Variants in TYR observed in about 807,000 individuals in gnomAD.
TYR encodes the protein LB24-AB.
TYR carries 58 observed loss-of-function variants against 51.5 expected under a neutral mutation model. The observed-to-expected ratio is 1.13, with a 90% CI of 0.91 to 1.40. The LOEUF is 1.40. Ranked by LOEUF, TYR falls within the 40% of genes most tolerant of loss-of-function variation. The probability of loss-of-function intolerance (pLI) is 0.00; values close to 1 mark genes in which losing one functional copy is unlikely to be tolerated. For missense variants in TYR, 732 were observed against 647.4 expected (o/e 1.13, Z -1.42); for synonymous variants, 263 against 235.2 (o/e 1.12, Z -1.08).
At chr11:89,240,075 A>G (rs1334144994) in intron 3 of TYR, among the ~76,000 whole-genome samples, 1 of 151,912 alleles carries the variant, frequency 6.6e-6, no homozygotes, top group Admixed American at 6.6e-5. Context: ...TGTAAGCCCT[A>G]TGTTTCTCTA....
Position 89,295,513 on chromosome 11 carries a change from A to G in TYR, c.*147A>G. On this transcript the variant is annotated 3_prime_UTR_variant, in exon 5 of 5. Transcript: ENST00000263321. ...CTAATACAAAGTGTAGCCTTCTTCC[A>G]ACTCAGGTAGAACACACCTGTCTTT... 1 of 1,033,182 alleles carries G rather than the reference A, an allele frequency of 9.7e-7. No homozygotes were observed. The highest frequency in any genetic ancestry group is 1.4e-6 in the Non-Finnish European group (1 of 694,812). 64.0% of individuals were successfully genotyped at this position (1,033,182 alleles called of 1,614,324 possible).
intron 1 of TYR, among the ~76,000 whole-genome samples, chr11:89,187,715 G>A (rs1026016252): frequency 6.6e-6 from 1 of 151,984 alleles, no homozygotes; most frequent in Admixed American, 6.6e-5. Flanking sequence ...TGATGAGATG[G>A]AAATATCAAA....
chr11:89,216,478 C>G (rs1943833677), intron 2 of TYR, among the ~76,000 whole-genome samples: 1 of 151,498 alleles, frequency 6.6e-6, no homozygotes, highest in African/African-American at 2.4e-5. Flanking sequence ...ATGGTGAAAC[C>G]CCATCTCTAC....
chr11:89,287,815 A>C (rs1490311265), intron 4 of TYR, among the ~76,000 whole-genome samples: 1 of 151,988 alleles, frequency 6.6e-6, no homozygotes, highest in Non-Finnish European at 1.5e-5. Flanking sequence ...TGAAAATGCT[A>C]TTATAAGAGT....
At chr11:89,252,186 G>T (rs75650290) in intron 3 of TYR, among the ~76,000 whole-genome samples, 10,570 of 151,668 alleles carry the variant, frequency 0.07, 547 homozygotes, top group African/African-American at 0.14. Flanking sequence ...TAGACTATGA[G>T]AATCTGAAAA....
intron 3 of TYR, among the ~76,000 whole-genome samples, chr11:89,278,090 C>A (rs1944677247): frequency 6.6e-6 from 1 of 151,656 alleles, no homozygotes; most frequent in Non-Finnish European, 1.5e-5. Flanking sequence ...ATTTTTAATT[C>A]CTTGAATTTG....
At chr11:89,262,431 A>G (rs1944468136) in intron 3 of TYR, among the ~76,000 whole-genome samples, 1 of 152,050 alleles carries the variant, frequency 6.6e-6, no homozygotes, top group African/African-American at 2.4e-5. Flanking sequence ...CACCAGCCTT[A>G]GAAACAAGAA....
chr11:89,199,870 A>G (rs1943573628), intron 2 of TYR, among the ~76,000 whole-genome samples: 1 of 152,212 alleles, frequency 6.6e-6, no homozygotes, highest in Non-Finnish European at 1.5e-5. Context: ...TAAAAGGGAT[A>G]ATGTCATTTT....
At chr11:89,248,506 G>T (rs568976859) in intron 3 of TYR, among the ~76,000 whole-genome samples, 1 of 151,952 alleles carries the variant, frequency 6.6e-6, no homozygotes, top group South Asian at 2.1e-4. Context: ...ACATTTAAAG[G>T]TCCCATGGCA....
At chr11:89,240,459 G>T (rs1332458766) in intron 3 of TYR, among the ~76,000 whole-genome samples, 1 of 151,876 alleles carries the variant, frequency 6.6e-6, no homozygotes. Flanking sequence ...TTTTATTATT[G>T]CATTGTATAG....
intron 1 of TYR, among the ~76,000 whole-genome samples, 176 bp from the exon 2 acceptor site, chr11:89,191,026 C>CA (rs1565391740): frequency 6.6e-6 from 1 of 152,110 alleles, no homozygotes; most frequent in Non-Finnish European, 1.5e-5. Flanking sequence ...CACGCAATGA[C>CA]AAAATCACCT....
chr11:89,277,346 C>T (rs995613160), intron 3 of TYR, among the ~76,000 whole-genome samples: 11 of 151,802 alleles, frequency 7.2e-5, no homozygotes, highest in African/African-American at 2.4e-4. Context: ...CTGGAGGCAT[C>T]GCAAGCTGCA....
intron 3 of TYR, among the ~76,000 whole-genome samples, chr11:89,238,148 T>C (rs1944143628): frequency 6.6e-6 from 1 of 152,158 alleles, no homozygotes; most frequent in African/African-American, 2.4e-5. Flanking sequence ...TCTTCCAATT[T>C]TTGAAGAAGA....
chr11:89,202,034 G>A (rs1285260534), intron 2 of TYR, among the ~76,000 whole-genome samples: 3 of 152,036 alleles, frequency 2.0e-5, no homozygotes, highest in African/African-American at 7.3e-5. Flanking sequence ...GTCTGGCAGT[G>A]GAAGTGGGGG....
At chr11:89,186,562 G>T (rs1943375501) in intron 1 of TYR, among the ~76,000 whole-genome samples, 1 of 152,082 alleles carries the variant, frequency 6.6e-6, no homozygotes, top group African/African-American at 2.4e-5. Context: ...CCCTGGTGGG[G>T]TCCTTGGTGC....
intron 2 of TYR, among the ~76,000 whole-genome samples, chr11:89,199,389 G>A (rs2135260079): frequency 6.6e-6 from 1 of 152,286 alleles, no homozygotes; most frequent in East Asian, 1.9e-4. Context: ...AAAGTAAAGT[G>A]AATTTATGTA....
chr11:89,204,599 T>C (rs1047941395), intron 2 of TYR, among the ~76,000 whole-genome samples: 4 of 152,050 alleles, frequency 2.6e-5, no homozygotes, highest in Non-Finnish European at 5.9e-5. Flanking sequence ...GATTTCACTA[T>C]GTTGGTCTGG....
chr11:89,245,303 C>T (rs758811201), intron 3 of TYR, among the ~76,000 whole-genome samples: 1 of 152,074 alleles, frequency 6.6e-6, no homozygotes, highest in Non-Finnish European at 1.5e-5. Context: ...AAATTCTAAG[C>T]GCATCACATG....
At chr11:89,188,829 G>C (rs1943407720) in intron 1 of TYR, among the ~76,000 whole-genome samples, 1 of 151,988 alleles carries the variant, frequency 6.6e-6, no homozygotes, top group South Asian at 2.1e-4. Flanking sequence ...TGATTGGTGA[G>C]TTTTGGGAAG....
Sources: gnomAD v4.1 joint callset for allele counts (sites outside exome capture counted in the v4.1 genomes callset) on GRCh38, gnomAD v4.1.1 for gene constraint, MANE v1.5 for transcripts, NCBI Gene and HGNC (gene_info 2026-07-23, HGNC 2026-07-21) for gene names.